Variants in CADM2 observed in about 807,000 individuals in gnomAD.
The protein encoded by CADM2 is immunoglobulin superfamily member 4D.
A neutral mutation model predicts 49.8 loss-of-function variants in CADM2; 12 were observed. The observed-to-expected ratio is 0.24, with a 90% confidence interval of 0.15 to 0.39. The LOEUF (loss-of-function observed/expected upper bound fraction) is 0.39. Ranked by LOEUF, CADM2 falls within the 10% of genes least tolerant of loss-of-function variation. CADM2 has a pLI of 1.00. For synonymous variants in CADM2, 214 were observed against 175.4 expected, an observed-to-expected ratio of 1.22 and a Z score of -1.74; for missense variants, 378 against 492.3, an observed-to-expected ratio of 0.77 and a Z score of 2.20.
intron 3 of CADM2, among the ~76,000 whole-genome samples, chr3:85,880,384 C>T (rs944845525): frequency 3.9e-5 from 6 of 151,966 alleles, no homozygotes; most frequent in African/African-American, 1.2e-4. Flanking sequence ...TGTATTTTCT[C>T]TTATTTTGTT....
intron 1 of CADM2, among the ~76,000 whole-genome samples, chr3:85,708,544 G>A (rs2067018212): frequency 6.6e-6 from 1 of 152,134 alleles, no homozygotes; most frequent in Non-Finnish European, 1.5e-5. Flanking sequence ...TGGTCCCTAG[G>A]TGAATCCCTT....
intron 1 of CADM2, among the ~76,000 whole-genome samples, chr3:85,597,323 A>G (rs1454458455): frequency 6.6e-6 from 1 of 152,100 alleles, no homozygotes; most frequent in Non-Finnish European, 1.5e-5. Context: ...CACTACAGTC[A>G]TGCTGTGCAA....
rs537302545 is a variant in CADM2, at chr3:86,046,633, T to G, written c.971-18972T>G. On this transcript the variant is annotated intron_variant, in intron 8 of 9. Coordinates refer to ENST00000383699, the MANE Select transcript of CADM2 (RefSeq NM_001167675.2). ...AATCACCAAGCTCAAGAAATGTCAG[T>G]AGGGCCAAGATTGAGAAATCCTGAG... Among the ~76,000 whole-genome samples the G allele has an allele frequency of 2.6e-5, 4 of 152,096 alleles. No individual in the cohort carries two copies. The South Asian group carries it at 8.3e-4, about 31-fold the overall frequency.
At chr3:85,568,947 T>C (rs1389458406) in intron 1 of CADM2, among the ~76,000 whole-genome samples, 1 of 152,192 alleles carries the variant, frequency 6.6e-6, no homozygotes, top group Non-Finnish European at 1.5e-5. Context: ...ACATAGTTTT[T>C]CATTTTAATC....
At chr3:85,025,975 T>C (rs2034710019) in intron 1 of CADM2, among the ~76,000 whole-genome samples, 1 of 152,170 alleles carries the variant, frequency 6.6e-6, no homozygotes, top group African/African-American at 2.4e-5. Context: ...ATCTCTCTAC[T>C]GTTTCCGCAC....
At chr3:85,737,682 C>T (rs1226343124) in intron 2 of CADM2, among the ~76,000 whole-genome samples, 6 of 151,724 alleles carry the variant, frequency 4.0e-5, no homozygotes, top group Non-Finnish European at 5.9e-5. Flanking sequence ...CTCAGCCTCC[C>T]GAGTAGCTGG....
At chr3:86,064,389 CT>C (rs1182420388) in intron 8 of CADM2, among the ~76,000 whole-genome samples, 6 of 152,152 alleles carry the variant, frequency 3.9e-5, no homozygotes, top group South Asian at 2.1e-4. Context: ...TGGACTCATC[CT>C]TTTTTTATGA....
chr3:85,619,811 T>C (rs775667815), intron 1 of CADM2, among the ~76,000 whole-genome samples: 3 of 152,198 alleles, frequency 2.0e-5, no homozygotes, highest in Non-Finnish European at 2.9e-5. Context: ...CATTATTTCC[T>C]TCTTCTCAAT....
chr3:85,743,387 G>A (rs2068474505), intron 2 of CADM2, among the ~76,000 whole-genome samples: 1 of 152,072 alleles, frequency 6.6e-6, no homozygotes, highest in Admixed American at 6.5e-5. Flanking sequence ...AAAACATAAG[G>A]CAGATGATCT....
At chr3:85,181,283 C>A (rs2040927606) in intron 1 of CADM2, among the ~76,000 whole-genome samples, 1 of 151,822 alleles carries the variant, frequency 6.6e-6, no homozygotes, top group Admixed American at 6.6e-5. Context: ...CCTTAGAAAC[C>A]CATTTTGTGG....
intron 2 of CADM2, among the ~76,000 whole-genome samples, chr3:85,787,328 C>A (rs1312281024): frequency 5.9e-5 from 9 of 151,984 alleles, no homozygotes; most frequent in Non-Finnish European, 1.3e-4. Context: ...GAAATTGTTA[C>A]CTCTGTAAAT....
At chr3:85,161,634 A>C (rs1016941403) in intron 1 of CADM2, among the ~76,000 whole-genome samples, 2 of 152,202 alleles carry the variant, frequency 1.3e-5, no homozygotes, top group African/African-American at 4.8e-5. Flanking sequence ...ATCTGCTGAA[A>C]GAGAAGACGT....
chr3:85,757,462 C>T (rs558095065), intron 2 of CADM2, among the ~76,000 whole-genome samples: 14 of 151,642 alleles, frequency 9.2e-5, no homozygotes, highest in East Asian at 5.8e-4. Context: ...CAGAAATAGA[C>T]GAGTAAATGG....
chr3:85,900,538 T>A lies in CADM2; in HGVS notation c.530-11835T>A, dbSNP rs1032623398. On this transcript the variant is annotated intron_variant, in intron 5 of 9. Coordinates refer to ENST00000383699, the MANE Select transcript of CADM2 (RefSeq NM_001167675.2). ...CATGAGATACATAAAAACATTTTTT[T>A]TAAATTTTTACTGGCTTTTACTTAG... 5.3e-5 allele frequency among the ~76,000 whole-genome samples: 8 copies of A among 152,298 alleles called. No individual in the cohort carries two copies. In the East Asian group the frequency reaches 9.7e-4, roughly 18 times the overall value.
intron 2 of CADM2, among the ~76,000 whole-genome samples, chr3:85,771,172 G>A (rs6799453): frequency 4.0e-5 from 6 of 151,892 alleles, no homozygotes; most frequent in Non-Finnish European, 8.8e-5. Context: ...CATAAGTGTT[G>A]TGTTTAGTGA....
At chr3:85,025,285 C>T (rs2034677489) in intron 1 of CADM2, among the ~76,000 whole-genome samples, 1 of 152,090 alleles carries the variant, frequency 6.6e-6, no homozygotes, top group Middle Eastern at 3.4e-3. Flanking sequence ...AGGTTTTTGG[C>T]AGGTTATGTG....
At chr3:85,501,822 A>G (rs1367919110) in intron 1 of CADM2, among the ~76,000 whole-genome samples, 1 of 152,178 alleles carries the variant, frequency 6.6e-6, no homozygotes, top group Non-Finnish European at 1.5e-5. Context: ...CAGTTAATGT[A>G]TAAAATGTAC....
At chr3:85,653,469 A>C (rs1417964975) in intron 1 of CADM2, among the ~76,000 whole-genome samples, 2 of 151,592 alleles carry the variant, frequency 1.3e-5, no homozygotes, top group African/African-American at 4.9e-5. Context: ...GGAGTATAAA[A>C]GGACCCCAAG....
In CADM2 at chr3:85,674,917, G is replaced by A. The variant is rs532027472; in HGVS notation, c.62-51605G>A. ...TCTGTTTGCTCTTTTTTCCTATAGC[G>A]AATAATTGTGTTTCAGTTCTCATCT... On this transcript the variant is annotated intron_variant, in intron 1 of 9. Coordinates refer to ENST00000383699, the MANE Select transcript of CADM2 (RefSeq NM_001167675.2). Among the ~76,000 whole-genome samples the A allele has an allele frequency of 2.2e-4, 33 of 152,066 alleles. No individual in the cohort carries two copies. The South Asian group carries it at 3.9e-3, about 18-fold the overall frequency.
Sources: allele counts gnomAD v4.1 joint callset (sites outside exome capture counted in the v4.1 genomes callset), GRCh38; gene constraint gnomAD v4.1.1; transcripts MANE v1.5; gene names NCBI Gene and HGNC (gene_info 2026-07-23, HGNC 2026-07-21).